MAGI2: variants seen among roughly 807,000 people sequenced by gnomAD.
MAGI2 encodes membrane-associated guanylate kinase, WW and PDZ domain-containing protein 2.
In MAGI2, 35 loss-of-function variants were observed where a neutral mutation model predicts 133.3. The observed-to-expected ratio is 0.26, with a 90% CI of 0.20 to 0.35. The LOEUF (loss-of-function observed/expected upper bound fraction) is 0.35. MAGI2 is among the 10% of genes least tolerant of loss of function. MAGI2 has a pLI of 1.00. For synonymous variants in MAGI2, 729 were observed against 710.6 expected (o/e 1.03, Z -0.41); for missense variants, 1,636 against 1,863.4 (o/e 0.88, Z 2.25).
intron 2 of MAGI2, among the ~76,000 whole-genome samples, chr7:78,736,925 A>G (rs980596739): frequency 5.9e-5 from 9 of 152,222 alleles, no homozygotes. Flanking sequence ...ATACCTAAAT[A>G]TGATGTTTGT....
chr7:79,007,267 G>T (rs144102924), intron 1 of MAGI2, 61 bp from the exon 2 acceptor site: 3 of 959,194 alleles, frequency 3.1e-6, no homozygotes, highest in Admixed American at 4.1e-5. Flanking sequence ...CATGTAATTT[G>T]ATTCTGTCAT....
rs59881896 is a variant in MAGI2, at chr7:79,449,877, C to CATATATATATATATATATATAT, written c.301+3142_301+3143insATATATATATATATATATATAT. On this transcript the variant is annotated intron_variant, in intron 1 of 21. Transcript: ENST00000354212. ...GTGTAGAAACACTGTGAGATATATACATATATATATATATATATATAATGT... is the reference window on the plus strand; with the variant it reads ...GTGTAGAAACACTGTGAGATATATACATATATATATATATATATATATATATATATATATATATATATAATGT... Among the ~76,000 whole-genome samples the CATATATATATATATATATATAT allele has an allele frequency of 1.1e-3, 130 of 120,580 alleles. 1 individual carries two copies. Among genetic ancestry groups the CATATATATATATATATATATAT allele is most frequent in the African/African-American group, 3.8e-3 (126 of 33,460 alleles). 79.1% of individuals were successfully genotyped at this position (120,580 alleles called of 152,430 possible).
chr7:79,171,770 A>ATATATTTTTTTT, intron 1 of MAGI2, among the ~76,000 whole-genome samples: 22 of 31,222 alleles, frequency 7.0e-4, no homozygotes, highest in East Asian at 2.6e-3. Flanking sequence ...ATATATATAT[A>ATATATTTTTTTT]TTTTTTTTTT....
chr7:78,906,916 G>T (rs748072366), intron 2 of MAGI2, among the ~76,000 whole-genome samples: 2 of 151,082 alleles, frequency 1.3e-5, no homozygotes, highest in Non-Finnish European at 2.9e-5. Context: ...TAAGCCATGT[G>T]GAAGGGGGAG....
intron 21 of MAGI2, among the ~76,000 whole-genome samples, chr7:78,044,678 C>CCTGTGTGTGTGT (rs71515384): frequency 1.3e-4 from 16 of 126,476 alleles, no homozygotes; most frequent in African/African-American, 4.6e-4. Context: ...GCTAATGTAC[C>CCTGTGTGTGTGT]GTGTGTGTGT....
intron 2 of MAGI2, among the ~76,000 whole-genome samples, chr7:78,743,572 A>G (rs1822630734): frequency 6.6e-6 from 1 of 152,100 alleles, no homozygotes; most frequent in Non-Finnish European, 1.5e-5. Context: ...CTTCTACTGG[A>G]CTGTAACCTC....
intron 14 of MAGI2, among the ~76,000 whole-genome samples, chr7:78,177,698 A>G (rs1448041930): frequency 2.6e-5 from 4 of 152,256 alleles, no homozygotes; most frequent in Middle Eastern, 3.4e-3. Context: ...CTACTCATAA[A>G]CTGTTACCCA....
chr7:78,044,200 T>A (rs1218474566), intron 21 of MAGI2, among the ~76,000 whole-genome samples: 2 of 152,162 alleles, frequency 1.3e-5, no homozygotes, highest in Non-Finnish European at 2.9e-5. Flanking sequence ...GAACCGAGAG[T>A]TCCTATAGCA....
At chr7:78,760,844 T>C (rs937523432) in intron 2 of MAGI2, among the ~76,000 whole-genome samples, 1 of 152,068 alleles carries the variant, frequency 6.6e-6, no homozygotes, top group African/African-American at 2.4e-5. Context: ...TTCCAAGAGG[T>C]ACCTGAGGCA....
chr7:78,295,524 T>C (rs1274347982), intron 9 of MAGI2, among the ~76,000 whole-genome samples: 2 of 152,174 alleles, frequency 1.3e-5, no homozygotes, highest in Admixed American at 6.6e-5. Flanking sequence ...CGCACATATA[T>C]GATCACTATC....
intron 21 of MAGI2, among the ~76,000 whole-genome samples, chr7:78,022,743 A>C (rs1482875137): frequency 1.3e-5 from 2 of 152,290 alleles, no homozygotes; most frequent in African/African-American, 4.8e-5. Flanking sequence ...TCATCCATCC[A>C]TCATTAGTTG....
intron 20 of MAGI2, among the ~76,000 whole-genome samples, chr7:78,098,461 T>C (rs1817914806): frequency 6.6e-6 from 1 of 152,172 alleles, no homozygotes; most frequent in African/African-American, 2.4e-5. Flanking sequence ...CACTACTACA[T>C]AATTCTCTAT....
intron 1 of MAGI2, among the ~76,000 whole-genome samples, chr7:79,168,492 A>C (rs1825164420): frequency 6.6e-6 from 1 of 152,080 alleles, no homozygotes; most frequent in Non-Finnish European, 1.5e-5. Context: ...ATTGTCCCTG[A>C]AAGGTCTTTA....
At chr7:78,967,622 TTA>T (rs138242523) in intron 2 of MAGI2, among the ~76,000 whole-genome samples, 14,596 of 151,114 alleles carry the variant, frequency 0.097, 886 homozygotes, top group African/African-American at 0.17. Context: ...GATTTTTTTT[TTA>T]TATATATATA....
intron 1 of MAGI2, among the ~76,000 whole-genome samples, chr7:79,196,845 GC>G (rs1828125690): frequency 6.6e-6 from 1 of 151,868 alleles, no homozygotes; most frequent in African/African-American, 2.4e-5. Context: ...ACAGCTTACT[GC>G]AGCCTTGATC....
chr7:78,760,445 C>A (rs777667839), intron 2 of MAGI2, among the ~76,000 whole-genome samples: 1 of 150,928 alleles, frequency 6.6e-6, no homozygotes, highest in Non-Finnish European at 1.5e-5. Context: ...TCACTTGAAC[C>A]TCCACCTCCT....
chr7:78,405,854 C>CA (rs1797328277), intron 6 of MAGI2, among the ~76,000 whole-genome samples: 1 of 151,834 alleles, frequency 6.6e-6, no homozygotes, highest in African/African-American at 2.4e-5. Flanking sequence ...CAATTGTCTA[C>CA]AAAAAACAAT....
intron 1 of MAGI2, among the ~76,000 whole-genome samples, chr7:79,173,290 C>T (rs571313452): frequency 6.6e-6 from 1 of 151,600 alleles, no homozygotes; most frequent in African/African-American, 2.4e-5. Context: ...GAAAAAATGA[C>T]TTCATTTCCC....
intron 21 of MAGI2, among the ~76,000 whole-genome samples, chr7:78,048,814 A>C (rs1811700826): frequency 6.6e-6 from 1 of 152,232 alleles, no homozygotes; most frequent in Admixed American, 6.5e-5. Flanking sequence ...GATAATTTTA[A>C]GAAATGACTT....
Sources: gnomAD v4.1 joint callset for allele counts (sites outside exome capture counted in the v4.1 genomes callset) on GRCh38, gnomAD v4.1.1 for gene constraint, MANE v1.5 for transcripts, NCBI Gene and HGNC (gene_info 2026-07-23, HGNC 2026-07-21) for gene names.